The following PNPLA8 variants were observed in gnomAD, a reference collection of about 807,000 sequenced individuals.
The protein encoded by PNPLA8 is calcium-independent phospholipase A2-gamma.
PNPLA8 carries 39 observed loss-of-function variants against 76.9 expected under a neutral mutation model. The ratio of observed to expected loss-of-function variants is 0.51; its 90% CI spans 0.39 to 0.66. PNPLA8 has a LOEUF of 0.66. Among genes scored for constraint, PNPLA8 ranks in the 30% least tolerant of loss-of-function variants. The pLI is 0.00. For synonymous variants in PNPLA8, 301 were observed against 307.9 expected (o/e 0.98, Z 0.24); for missense variants, 887 against 918.0 (o/e 0.97, Z 0.44).
At chr7:108,511,881 T>G (rs1480973470) in intron 4 of PNPLA8, among the ~76,000 whole-genome samples, 5 of 152,220 alleles carry the variant, frequency 3.3e-5, no homozygotes, top group Non-Finnish European at 5.9e-5. Context: ...GAATGATTTC[T>G]GAAGGAATAC....
chr7:108,500,954 G>C (rs1359156944), intron 5 of PNPLA8, among the ~76,000 whole-genome samples: 1 of 151,588 alleles, frequency 6.6e-6, no homozygotes. Flanking sequence ...CCTTCCTCCT[G>C]CCTTCCACTG....
intron 4 of PNPLA8, among the ~76,000 whole-genome samples, chr7:108,504,485 C>T (rs528143975): frequency 6.6e-6 from 1 of 152,080 alleles, no homozygotes; most frequent in South Asian, 2.1e-4. Context: ...AAAGATGACC[C>T]GAATAATTGA....
intron 2 of PNPLA8, among the ~76,000 whole-genome samples, chr7:108,520,004 C>A (rs1298037920): frequency 1.3e-5 from 2 of 152,154 alleles, no homozygotes; most frequent in Non-Finnish European, 2.9e-5. Context: ...TCAGTTATTG[C>A]CGCTCGAGAG....
intron 7 of PNPLA8, among the ~76,000 whole-genome samples, chr7:108,493,130 T>C (rs1478426676): frequency 1.3e-5 from 2 of 152,140 alleles, no homozygotes; most frequent in Non-Finnish European, 1.5e-5. Flanking sequence ...CACTAAGTTT[T>C]GGAGTGGCTT....
intron 6 of PNPLA8, 45 bp from the exon 7 acceptor site, chr7:108,496,800 C>T: frequency 3.6e-6 from 5 of 1,375,690 alleles, no homozygotes; most frequent in Non-Finnish European, 4.9e-6. Context: ...AAGTTATAGC[C>T]CTTATGATGT....
chr7:108,474,662 G>A (rs1859857643), intron 10 of PNPLA8, among the ~76,000 whole-genome samples: 1 of 152,150 alleles, frequency 6.6e-6, no homozygotes, highest in Non-Finnish European at 1.5e-5. Context: ...GTATCTAATA[G>A]TCCCGGACCA....
chr7:108,506,190 C>T (rs28883731), intron 4 of PNPLA8, among the ~76,000 whole-genome samples: 1,633 of 152,184 alleles, frequency 0.011, 28 homozygotes, highest in African/African-American at 0.037. Flanking sequence ...CCAGCCTGAC[C>T]AACAGGGTGA....
intron 2 of PNPLA8, 30 bp downstream of exon 2, chr7:108,521,446 C>T: frequency 1.7e-6 from 1 of 589,588 alleles, no homozygotes; most frequent in Non-Finnish European, 2.1e-6. Flanking sequence ...AAAAAGGAGA[C>T]ATTACAAAAT....
rs774407467 is a variant in PNPLA8 at position 108,487,896 on chromosome 7, T to C, written c.1741A>G (p.Arg581Gly). The change falls in exon 9 of 11, where the codon AGA (arginine) becomes GGA (glycine). Residue 581 changes from arginine to glycine, a missense_variant. Coordinates refer to ENST00000257694, the MANE Select transcript of PNPLA8 (RefSeq NM_001256007.3). ...RGITPKAFVF[R>G]NYGHFPGINS... ...ATTCCAGGAAAATGACCATAGTTTC[T>C]GAACACAAAAGCTTTGGGTGTTATC... 5 of 1,613,542 alleles carry C rather than the reference T, an allele frequency of 3.1e-6. No individual in the cohort carries two copies. The Admixed American group carries it at 8.3e-5, about 27-fold the overall frequency.
upstream of PNPLA8, chr7:108,526,404 GT>G (rs1864092805): frequency 6.5e-6 from 1 of 154,660 alleles, no homozygotes; most frequent in African/African-American, 2.4e-5. Flanking sequence ...CTGGTGGGGC[GT>G]GCTGTGCCTT....
At chr7:108,489,094 T>C (rs1598891301) in intron 8 of PNPLA8, among the ~76,000 whole-genome samples, 1 of 152,258 alleles carries the variant, frequency 6.6e-6, no homozygotes, top group Admixed American at 6.5e-5. Context: ...TTTATCATGA[T>C]GATTTACTTC....
chr7:108,497,268 G>C (rs546901701), intron 6 of PNPLA8, among the ~76,000 whole-genome samples: 12 of 152,226 alleles, frequency 7.9e-5, no homozygotes, highest in Admixed American at 7.9e-4. Flanking sequence ...TTAAACAGCT[G>C]ATTCCATATC....
At position 108,514,441 on chromosome 7, in the gene PNPLA8, C is replaced by G; in HGVS notation, c.1051G>C (p.Glu351Gln). 1.2e-6 allele frequency: 2 copies of G among 1,601,070 alleles called. No individual in the cohort carries two copies. Among genetic ancestry groups the G allele is most frequent in the Non-Finnish European group, 1.7e-6 (2 of 1,174,622 alleles). ...EEKKRLSLQR[E>Q]KIIARVSIDN... ...AAGCACACTGAACAACTTGCCTTTTCTCGCTGAAGAGATAAACGCTTTTTC... is the reference window on the plus strand; with the variant it reads ...AAGCACACTGAACAACTTGCCTTTTGTCGCTGAAGAGATAAACGCTTTTTC... The change falls in exon 3 of 11, where the codon GAA becomes CAA. Residue 351 changes from glutamate to glutamine, a missense_variant. By Grantham distance (29) the Glu-to-Gln change is conservative. Coordinates refer to ENST00000257694, the MANE Select transcript of PNPLA8 (RefSeq NM_001256007.3).
In PNPLA8 at chr7:108,487,823, A is replaced by C. The variant is rs749746885; in HGVS notation, c.1814T>G (p.Ile605Ser). The stretch of plus-strand genomic sequence containing the variant: ...GCCTGGAGCAGCAGATGAGGCTCTA[A>C]TGGCCTGCCACATTTTATACTGACA... ...GGCQYKMWQA[I>S]RASSAAPGYF... is the part of the protein sequence containing the mutation. Residue 605 changes from isoleucine to serine, a missense_variant, in exon 9 of 11, where the codon ATT becomes AGT. By Grantham distance (142) the Ile-to-Ser change is moderately radical. Coordinates refer to ENST00000257694, the MANE Select transcript of PNPLA8 (RefSeq NM_001256007.3). The C allele has an allele frequency of 6.2e-7, 1 of 1,613,688 alleles. No individual in the cohort carries two copies. The highest frequency in any genetic ancestry group is 1.1e-5 in the South Asian group (1 of 91,066).
rs1175024106 is a variant in PNPLA8 at position 108,471,632 on chromosome 7, T to TAAA, written c.*766_*768dup. The TAAA allele has an allele frequency of 2.6e-5, 4 of 152,340 alleles. No individual in the cohort carries two copies. The highest frequency in any genetic ancestry group is 4.4e-5 in the Non-Finnish European group (3 of 68,026). 9.4% of individuals were successfully genotyped at this position (152,340 alleles called of 1,614,324 possible). ...ATTAGCCTTTTAACAACAGATTATTTAAATAGTTTATTTTTGTTAATGATA... is the reference window on the plus strand; with the variant it reads ...ATTAGCCTTTTAACAACAGATTATTTAAAAAATAGTTTATTTTTGTTAATGATA... On this transcript the variant is annotated 3_prime_UTR_variant, in exon 11 of 11. Coordinates refer to ENST00000257694, the MANE Select transcript of PNPLA8 (RefSeq NM_001256007.3).
Position 108,497,592 on chromosome 7 carries a change from A to C in PNPLA8, c.1359-15T>G. 1 of 1,476,984 alleles carries C rather than the reference A, an allele frequency of 6.8e-7. No homozygotes were observed. Among genetic ancestry groups the C allele is most frequent in the Non-Finnish European group, 9.2e-7 (1 of 1,087,960 alleles). The allele number at this position is 1,476,984 out of a possible 1,614,324, so 91.5% of individuals were successfully genotyped here. On this transcript the variant is annotated splice_polypyrimidine_tract_variant and intron_variant, in intron 5 of 10. Coordinates refer to ENST00000257694, the MANE Select transcript of PNPLA8 (RefSeq NM_001256007.3). ...CAACCACGCCCCTACAGAAAAGATT[A>C]AAGACAAAATGACAATTCCTGTTTA...
At chr7:108,474,220 A>G (rs914875304) in intron 10 of PNPLA8, among the ~76,000 whole-genome samples, 15 of 152,090 alleles carry the variant, frequency 9.9e-5, no homozygotes, top group Admixed American at 5.2e-4. Flanking sequence ...TCTATGTCCT[A>G]TCTAAAAAAA....
At position 108,473,152 on chromosome 7, in the gene PNPLA8, C is replaced by T. The variant is rs142430900; in HGVS notation, c.2075-477G>A. 6.5e-3 allele frequency among the ~76,000 whole-genome samples: 987 copies of T among 152,358 alleles called. 3 individuals are homozygous for T. Among genetic ancestry groups the T allele is most frequent in the Middle Eastern group, 0.01 (3 of 294 alleles). On this transcript the variant is annotated intron_variant, in intron 10 of 10. Coordinates refer to ENST00000257694, the MANE Select transcript of PNPLA8 (RefSeq NM_001256007.3). ...TAAGCCTCTTTATAGTTGGTGCCCACTTTCCCTTTCCTAGAATTTCATACA... is the reference window on the plus strand; with the variant it reads ...TAAGCCTCTTTATAGTTGGTGCCCATTTTCCCTTTCCTAGAATTTCATACA...
At chr7:108,480,217 A>G (rs1007957535) in intron 9 of PNPLA8, among the ~76,000 whole-genome samples, 7 of 151,984 alleles carry the variant, frequency 4.6e-5, no homozygotes, top group African/African-American at 1.7e-4. Flanking sequence ...AAAATAAACA[A>G]AATTAGCCAG....
Sources: allele counts gnomAD v4.1 joint callset (sites outside exome capture counted in the v4.1 genomes callset), GRCh38; gene constraint gnomAD v4.1.1; transcripts MANE v1.5; gene names NCBI Gene and HGNC (gene_info 2026-07-23, HGNC 2026-07-21).